The following PHC3 variants were observed in gnomAD, a reference collection of about 807,000 sequenced individuals.
The protein encoded by PHC3 is polyhomeotic homolog 3.
In PHC3, 13 loss-of-function variants were observed where a neutral mutation model predicts 107.4. The observed-to-expected ratio is 0.12, with a 90% CI of 0.08 to 0.19. PHC3 has a LOEUF of 0.19. PHC3 is among the 10% of genes least tolerant of loss of function. The pLI, the probability that PHC3 is intolerant of heterozygous loss-of-function variation, is 1.00. For synonymous variants in PHC3, 456 were observed against 427.4 expected (o/e 1.07, Z -0.83); for missense variants, 992 against 1,210.9 (o/e 0.82, Z 2.68).
intron 4 of PHC3, among the ~76,000 whole-genome samples, chr3:170,158,703 G>A (rs1727313679): frequency 1.3e-5 from 2 of 151,926 alleles, no homozygotes; most frequent in South Asian, 4.2e-4. Context: ...AAAGCAGGTG[G>A]ATCACTTGAG....
At chr3:170,118,780 G>A (rs1400805163) in intron 9 of PHC3, among the ~76,000 whole-genome samples, 1 of 151,450 alleles carries the variant, frequency 6.6e-6, no homozygotes, top group East Asian at 1.9e-4. Context: ...CAGCTGGTCT[G>A]GAATTCCTAG....
At chr3:170,151,973 A>C (rs755187998) in intron 4 of PHC3, among the ~76,000 whole-genome samples, 2 of 152,130 alleles carry the variant, frequency 1.3e-5, no homozygotes, top group Non-Finnish European at 2.9e-5. Context: ...GATTTATAGG[A>C]ATTTAATTTA....
intron 11 of PHC3, among the ~76,000 whole-genome samples, chr3:170,110,902 T>G (rs1230283451): frequency 6.6e-6 from 1 of 152,152 alleles, no homozygotes; most frequent in Admixed American, 6.6e-5. Context: ...ATACATATTG[T>G]AGATATAGGC....
At chr3:170,128,290 C>G in intron 8 of PHC3, 1 of 1,103,488 alleles carries the variant, frequency 9.1e-7, no homozygotes, top group African/African-American at 1.7e-5. Context: ...ATAAACCATA[C>G]GTTTTGAGAA....
chr3:170,137,011 TACAG>T (rs1296587385), intron 6 of PHC3, among the ~76,000 whole-genome samples: 2 of 152,072 alleles, frequency 1.3e-5, no homozygotes, highest in African/African-American at 2.4e-5. Context: ...TATATATATA[TACAG>T]ACAGTGTGTG....
rs1714087884 is a variant in PHC3 at position 170,091,545 on chromosome 3, G to C, written c.*5685C>G. 6.6e-6 allele frequency: 1 copy of C among 151,878 alleles called. No individual in the cohort carries two copies. The highest frequency in any genetic ancestry group is 6.6e-5 in the Admixed American group (1 of 15,240). 9.4% of individuals were successfully genotyped at this position (151,878 alleles called of 1,614,324 possible). ...ATTAAATGTCAACAAACTATAAAAG[G>C]GAAAAAATAAAACATCTGGAAAACA... On this transcript the variant is annotated 3_prime_UTR_variant, in exon 15 of 15. Coordinates refer to ENST00000495893, the MANE Select transcript of PHC3 (RefSeq NM_024947.4).
intron 2 of PHC3, among the ~76,000 whole-genome samples, chr3:170,178,032 A>C (rs1407230695): frequency 6.6e-6 from 1 of 152,058 alleles, no homozygotes; most frequent in Non-Finnish European, 1.5e-5. Flanking sequence ...TCCCCCAATT[A>C]AGTATGTGTT....
At chr3:170,161,682 A>ATAAATT (rs1195216551) in intron 4 of PHC3, among the ~76,000 whole-genome samples, 6 of 152,298 alleles carry the variant, frequency 3.9e-5, no homozygotes, top group African/African-American at 1.4e-4. Context: ...GACTTAAACA[A>ATAAATT]CAGAAATTTA....
At chr3:170,133,921 C>T (rs569917516) in intron 7 of PHC3, among the ~76,000 whole-genome samples, 3 of 152,114 alleles carry the variant, frequency 2.0e-5, no homozygotes, top group South Asian at 4.1e-4. Flanking sequence ...CTGAAAGTAA[C>T]GTTCTCTTTA....
At chr3:170,115,496 T>C (rs1482674788) in intron 10 of PHC3, among the ~76,000 whole-genome samples, 1 of 152,198 alleles carries the variant, frequency 6.6e-6, no homozygotes, top group Admixed American at 6.5e-5. Context: ...GTGGTATTAA[T>C]GTGTACTGTG....
At chr3:170,111,287 A>G (rs1018961212) in intron 11 of PHC3, among the ~76,000 whole-genome samples, 1 of 139,704 alleles carries the variant, frequency 7.2e-6, no homozygotes, top group African/African-American at 2.6e-5. Flanking sequence ...GGAAGGAAGG[A>G]AGGAAGGAAG....
chr3:170,117,004 T>G, intron 10 of PHC3: 1 of 529,350 alleles, frequency 1.9e-6, no homozygotes. Context: ...GTCCTGAAAT[T>G]TTTTTCATTT....
intron 7 of PHC3, among the ~76,000 whole-genome samples, chr3:170,130,884 A>G (rs549498124): frequency 7.6e-4 from 115 of 152,274 alleles, no homozygotes; most frequent in African/African-American, 2.7e-3. Flanking sequence ...AATTACACAC[A>G]TTTAACACAG....
chr3:170,117,559 T>TA (rs1271298546), intron 9 of PHC3, 83 bp from the exon 10 acceptor site: 1 of 1,355,136 alleles, frequency 7.4e-7, no homozygotes, highest in Admixed American at 2.5e-5. Flanking sequence ...GAATAAATAA[T>TA]AACAACAGTT....
At chr3:170,158,226 A>T (rs1727206315) in intron 4 of PHC3, among the ~76,000 whole-genome samples, 1 of 152,232 alleles carries the variant, frequency 6.6e-6, no homozygotes, top group Non-Finnish European at 1.5e-5. Flanking sequence ...AAGAAAAAAG[A>T]GTCTTCAATG....
Position 170,088,154 on chromosome 3 carries a change from T to G in PHC3, c.*9076A>C, listed in dbSNP as rs1267920330. Reference sequence around the variant, plus strand: ...ACATCTATATATAATCTTAACATGTTTTCTGTAAAGATAAAAAATGTTTTC... The same window carrying G: ...ACATCTATATATAATCTTAACATGTGTTCTGTAAAGATAAAAAATGTTTTC... On this transcript the variant is annotated 3_prime_UTR_variant, in exon 15 of 15. Coordinates refer to ENST00000495893, the MANE Select transcript of PHC3 (RefSeq NM_024947.4). The G allele has an allele frequency of 6.6e-6, 1 of 152,226 alleles. No homozygotes were observed. Among genetic ancestry groups the G allele is most frequent in the Non-Finnish European group, 1.5e-5 (1 of 68,020 alleles). The allele number at this position is 152,226 out of a possible 1,614,324, so 9.4% of individuals were successfully genotyped here.
At chr3:170,162,182 C>G (rs1728002302) in intron 4 of PHC3, among the ~76,000 whole-genome samples, 1 of 152,202 alleles carries the variant, frequency 6.6e-6, no homozygotes, top group South Asian at 2.1e-4. Context: ...TCAACTTTCT[C>G]TCATCACACC....
chr3:170,121,079 C>T (rs374304585), intron 9 of PHC3, among the ~76,000 whole-genome samples: 2 of 152,098 alleles, frequency 1.3e-5, no homozygotes, highest in South Asian at 2.1e-4. Flanking sequence ...TTATGGACAA[C>T]GAAATTTGAA....
Position 170,150,585 on chromosome 3 carries a change from T to C in PHC3, c.415-1341A>G, listed in dbSNP as rs985862426. On this transcript the variant is annotated intron_variant, in intron 4 of 14. Transcript: ENST00000495893. ...AAAATTAGCCGGGTGTGGTGGTGGGTGCCTGTAGTCCCAGCTACTCGGGAG... is the reference window on the plus strand; with the variant it reads ...AAAATTAGCCGGGTGTGGTGGTGGGCGCCTGTAGTCCCAGCTACTCGGGAG... 1.7e-3 allele frequency: 269 copies of C among 159,698 alleles called. 1 individual carries two copies. The highest frequency in any genetic ancestry group is 5.8e-3 in the African/African-American group (222 of 37,956). The allele number at this position is 159,698 out of a possible 1,614,324, so 9.9% of individuals were successfully genotyped here. A position where few individuals can be genotyped will look rare whatever the true frequency, so the allele number is the denominator to read the frequency against.
Sources: allele counts gnomAD v4.1 joint callset (sites outside exome capture counted in the v4.1 genomes callset), GRCh38; gene constraint gnomAD v4.1.1; transcripts MANE v1.5; gene names NCBI Gene and HGNC (gene_info 2026-07-23, HGNC 2026-07-21).